FSTL5: variants seen among roughly 807,000 people sequenced by gnomAD.
The protein encoded by FSTL5 is follistatin like 5, also known as follistatin-related protein 5.
A neutral mutation model predicts 89.1 loss-of-function variants in FSTL5; 62 were observed. That is an observed-to-expected ratio of 0.70 (90% CI 0.57 to 0.86). The LOEUF (loss-of-function observed/expected upper bound fraction) is 0.86. Among genes scored for constraint, FSTL5 ranks in the 40% least tolerant of loss-of-function variants. FSTL5 has a pLI of 0.00. For missense variants in FSTL5, 1,057 were observed against 1,001.6 expected (o/e 1.06, Z -0.75); for synonymous variants, 383 against 346.2 (o/e 1.11, Z -1.18).
chr4:162,028,287 C>A (rs1414800790), intron 3 of FSTL5, among the ~76,000 whole-genome samples: 1 of 152,036 alleles, frequency 6.6e-6, no homozygotes, highest in Admixed American at 6.6e-5. Flanking sequence ...CATAATAATG[C>A]ATGTATTGGC....
chr4:161,690,760 A>T (rs564654351), intron 6 of FSTL5, among the ~76,000 whole-genome samples: 1 of 152,148 alleles, frequency 6.6e-6, no homozygotes, highest in East Asian at 1.9e-4. Flanking sequence ...TCTCATGTTT[A>T]ACCTAGTACC....
intron 6 of FSTL5, among the ~76,000 whole-genome samples, chr4:161,658,581 A>G (rs969065872): frequency 1.3e-5 from 2 of 152,228 alleles, no homozygotes; most frequent in African/African-American, 4.8e-5. Flanking sequence ...ACACATACAT[A>G]CACAGAAACA....
chr4:162,103,812 C>T (rs530327072), intron 2 of FSTL5, among the ~76,000 whole-genome samples: 2 of 152,162 alleles, frequency 1.3e-5, no homozygotes, highest in African/African-American at 4.8e-5. Flanking sequence ...TTAGCTCACA[C>T]CCGACCAATC....
chr4:161,697,260 T>A (rs1025638279), intron 6 of FSTL5, among the ~76,000 whole-genome samples: 19 of 152,306 alleles, frequency 1.2e-4, no homozygotes, highest in Non-Finnish European at 2.4e-4. Context: ...TACCAGACTT[T>A]TTTTGTCAAG....
chr4:162,123,868 GA>G (rs199618149), intron 1 of FSTL5, among the ~76,000 whole-genome samples: 11,645 of 141,828 alleles, frequency 0.082, 996 homozygotes, highest in African/African-American at 0.22. Flanking sequence ...GATTTTGAAA[GA>G]AAAAAAAAAA....
At chr4:161,708,838 G>C (rs1456552140) in intron 6 of FSTL5, among the ~76,000 whole-genome samples, 2 of 152,096 alleles carry the variant, frequency 1.3e-5, no homozygotes, top group Admixed American at 1.3e-4. Flanking sequence ...ATATATGTTT[G>C]GGGTATTTAT....
chr4:161,573,719 G>A (rs1396945644), intron 8 of FSTL5, among the ~76,000 whole-genome samples: 1 of 35,398 alleles, frequency 2.8e-5, no homozygotes, highest in African/African-American at 1.2e-4. Flanking sequence ...GGCAACAAGA[G>A]AGAAACTCCA....
intron 11 of FSTL5, among the ~76,000 whole-genome samples, chr4:161,503,126 T>C (rs1046033733): frequency 1.3e-5 from 2 of 151,724 alleles, no homozygotes; most frequent in African/African-American, 4.8e-5. Context: ...TTTCCCCATA[T>C]CAAATTTAAA....
At chr4:161,688,196 C>T (rs1219030947) in intron 6 of FSTL5, among the ~76,000 whole-genome samples, 1 of 152,188 alleles carries the variant, frequency 6.6e-6, no homozygotes, top group Non-Finnish European at 1.5e-5. Flanking sequence ...GATCCTGCCA[C>T]CTCAGCCTCT....
chr4:161,723,724 C>A (rs1269879999), intron 6 of FSTL5, among the ~76,000 whole-genome samples: 1 of 152,024 alleles, frequency 6.6e-6, no homozygotes, highest in African/African-American at 2.4e-5. Context: ...TAACACTATC[C>A]AGTGTCATTG....
chr4:161,914,317 A>T (rs1254915685), intron 4 of FSTL5, among the ~76,000 whole-genome samples: 5 of 152,234 alleles, frequency 3.3e-5, no homozygotes, highest in African/African-American at 1.2e-4. Context: ...ATGAAAATGT[A>T]TAAAAACAAG....
At chr4:161,958,216 T>C (rs931157003) in intron 3 of FSTL5, among the ~76,000 whole-genome samples, 2 of 152,054 alleles carry the variant, frequency 1.3e-5, no homozygotes, top group Non-Finnish European at 2.9e-5. Context: ...CTAATTAATA[T>C]ATTAAATTCT....
chr4:161,499,894 GT>G (rs1279645566), intron 12 of FSTL5, 121 bp downstream of exon 12: 1 of 645,000 alleles, frequency 1.6e-6, no homozygotes, highest in Admixed American at 3.0e-5. Context: ...AATATCATGG[GT>G]TTCATAATTT....
At chr4:161,658,656 T>A (rs1281534125) in intron 6 of FSTL5, among the ~76,000 whole-genome samples, 1 of 152,190 alleles carries the variant, frequency 6.6e-6, no homozygotes, top group African/African-American at 2.4e-5. Flanking sequence ...ATTATTCAAT[T>A]AATTCGAAAC....
chr4:161,407,047 A>AGGGGAAT (rs1261441537), intron 15 of FSTL5, among the ~76,000 whole-genome samples: 3 of 152,092 alleles, frequency 2.0e-5, no homozygotes, highest in Non-Finnish European at 4.4e-5. Flanking sequence ...ATTGGGGTAA[A>AGGGGAAT]GGGGAATGGG....
rs547899814 is a variant in FSTL5, at chr4:161,801,116, A to G, written c.410-25042T>C. The stretch of plus-strand genomic sequence containing the variant: ...TCTGAAGATAAAAAATTAATAAAAC[A>G]GCATTTTGCAATCTCAGTCTTAAAA... On this transcript the variant is annotated intron_variant, in intron 4 of 15. Transcript: ENST00000306100. Among the ~76,000 whole-genome samples the G allele has an allele frequency of 5.7e-4, 86 of 151,742 alleles. 2 individuals carry two copies. In the South Asian group the frequency reaches 0.017, roughly 31 times the overall value.
chr4:162,050,440 G>C (rs1300460407), intron 2 of FSTL5, among the ~76,000 whole-genome samples: 1 of 150,250 alleles, frequency 6.7e-6, no homozygotes, highest in Non-Finnish European at 1.5e-5. Context: ...AACAAAAATA[G>C]CTTCAATATT....
chr4:162,160,343 T>C lies in FSTL5; in HGVS notation c.-17+3272A>G, dbSNP rs139050599. Reference sequence around the variant, plus strand: ...TATGGTTACCAATTTAATTGGAAAATTAGGATATTTCCACAAGGGATTCTA... The same window carrying C: ...TATGGTTACCAATTTAATTGGAAAACTAGGATATTTCCACAAGGGATTCTA... On this transcript the variant is annotated intron_variant, in intron 1 of 15. Transcript: ENST00000306100. Among the ~76,000 whole-genome samples the C allele has an allele frequency of 2.2e-3, 341 of 151,866 alleles. 1 individual carries two copies. The highest frequency in any genetic ancestry group is 7.6e-3 in the African/African-American group (315 of 41,516).
intron 3 of FSTL5, among the ~76,000 whole-genome samples, chr4:161,934,125 G>A (rs143603704): frequency 2.0e-5 from 3 of 152,100 alleles, no homozygotes; most frequent in African/African-American, 7.2e-5. Context: ...GCTCCAAATA[G>A]TTACTTATCA....
Sources: gnomAD v4.1 joint callset for allele counts (sites outside exome capture counted in the v4.1 genomes callset) on GRCh38, gnomAD v4.1.1 for gene constraint, MANE v1.5 for transcripts, NCBI Gene and HGNC (gene_info 2026-07-23, HGNC 2026-07-21) for gene names.